Variants in PARD3B observed in about 807,000 individuals in gnomAD.
The protein encoded by PARD3B is partitioning defective 3 homolog B.
Under a neutral mutation model 130.2 loss-of-function variants are expected in PARD3B, and 103 were observed. The observed-to-expected ratio is 0.79, with a 90% CI of 0.67 to 0.93. The LOEUF (loss-of-function observed/expected upper bound fraction) is 0.93. Among genes scored for constraint, PARD3B ranks in the 40% least tolerant of loss-of-function variants. The pLI is 0.00. For missense variants in PARD3B, 1,609 were observed against 1,499.2 expected (o/e 1.07, Z -1.21); for synonymous variants, 583 against 553.2 (o/e 1.05, Z -0.76).
intron 21 of PARD3B, among the ~76,000 whole-genome samples, chr2:205,535,398 C>A (rs1244886319): frequency 6.6e-6 from 1 of 152,164 alleles, no homozygotes; most frequent in Non-Finnish European, 1.5e-5. Context: ...CAAAACTAAA[C>A]CATCCTTAGA....
chr2:205,083,435 C>G (rs958627609), intron 4 of PARD3B, among the ~76,000 whole-genome samples: 11 of 151,514 alleles, frequency 7.3e-5, no homozygotes, highest in Non-Finnish European at 1.3e-4. Context: ...AGGCTGATTT[C>G]ACTTATAAAA....
At chr2:205,014,506 T>A (rs1484665177) in intron 3 of PARD3B, among the ~76,000 whole-genome samples, 1 of 152,204 alleles carries the variant, frequency 6.6e-6, no homozygotes, top group Non-Finnish European at 1.5e-5. Context: ...CTGAGTAATG[T>A]TATTCATTAA....
chr2:204,930,896 C>A (rs1349016978), intron 2 of PARD3B, among the ~76,000 whole-genome samples: 2 of 151,972 alleles, frequency 1.3e-5, no homozygotes, highest in South Asian at 4.1e-4. Context: ...ATCTAAAAAC[C>A]ACGATGAACA....
intron 18 of PARD3B, among the ~76,000 whole-genome samples, chr2:205,365,860 A>G (rs986673279): frequency 1.2e-4 from 18 of 152,230 alleles, no homozygotes; most frequent in Admixed American, 6.5e-5. Flanking sequence ...ACAACTGCCT[A>G]TATCGCCACA....
Position 205,176,687 on chromosome 2 carries a change from C to A in PARD3B, c.1924+110C>A. The A allele has an allele frequency of 1.7e-6, 2 of 1,207,032 alleles. No homozygotes were observed. The highest frequency in any genetic ancestry group is 1.6e-5 in the African/African-American group (1 of 62,344). The allele number at this position is 1,207,032 out of a possible 1,614,324, so 74.8% of individuals were successfully genotyped here. The stretch of plus-strand genomic sequence containing the variant: ...AAAGGGGAGTTAATTAGACTAAGTG[C>A]AGACTTTGTTACTCGGAGTCACAAA... On this transcript the variant is annotated intron_variant, in intron 13 of 22. Coordinates refer to ENST00000406610, the MANE Select transcript of PARD3B (RefSeq NM_001302769.2). The surrounding 1 kb of genome is among the most constrained non-coding windows in gnomAD (Gnocchi z 5.3).
At chr2:205,199,440 A>G (rs2036866013) in intron 15 of PARD3B, among the ~76,000 whole-genome samples, 1 of 152,114 alleles carries the variant, frequency 6.6e-6, no homozygotes, top group Non-Finnish European at 1.5e-5. Context: ...ATATACATAT[A>G]TGTACATTTT....
intron 2 of PARD3B, among the ~76,000 whole-genome samples, chr2:204,805,897 T>C (rs2042749013): frequency 6.6e-6 from 1 of 152,062 alleles, no homozygotes; most frequent in Admixed American, 6.6e-5. Flanking sequence ...TAACTGAGTG[T>C]AGAAGGAACA....
At chr2:205,415,230 A>G (rs1268728341) in intron 19 of PARD3B, among the ~76,000 whole-genome samples, 1 of 152,284 alleles carries the variant, frequency 6.6e-6, no homozygotes, top group African/African-American at 2.4e-5. Context: ...ATATGTTTCT[A>G]TATAGGATAT....
chr2:204,800,427 TAGAG>T (rs532907201), intron 2 of PARD3B, among the ~76,000 whole-genome samples: 5 of 150,836 alleles, frequency 3.3e-5, no homozygotes, highest in African/African-American at 9.7e-5. Flanking sequence ...AAAAAGTCAG[TAGAG>T]AGAGAGAGAG....
chr2:205,511,582 C>G (rs1215006177), intron 21 of PARD3B, among the ~76,000 whole-genome samples: 2 of 152,144 alleles, frequency 1.3e-5, no homozygotes. Context: ...ATAAGAAAAC[C>G]TATAGCAGAA....
chr2:204,973,868 T>G (rs1431317696), intron 3 of PARD3B, among the ~76,000 whole-genome samples: 1 of 152,238 alleles, frequency 6.6e-6, no homozygotes, highest in Admixed American at 6.5e-5. Context: ...GTGACAGCCT[T>G]TGCTTAGCAG....
intron 3 of PARD3B, among the ~76,000 whole-genome samples, chr2:204,976,405 A>G (rs2125192680): frequency 6.6e-6 from 1 of 152,222 alleles, no homozygotes; most frequent in South Asian, 2.1e-4. Context: ...AATATTACCT[A>G]ATTGGATAGT....
chr2:205,205,813 A>G (rs1163491234), intron 15 of PARD3B, among the ~76,000 whole-genome samples: 2 of 152,172 alleles, frequency 1.3e-5, no homozygotes, highest in Non-Finnish European at 2.9e-5. Context: ...ATCATGGTGG[A>G]TAAGCTTTTT....
chr2:204,917,373 C>T (rs984230283), intron 2 of PARD3B, among the ~76,000 whole-genome samples: 1 of 152,174 alleles, frequency 6.6e-6, no homozygotes, highest in African/African-American at 2.4e-5. Context: ...TGAGGGAAAA[C>T]AGAATAGTGG....
intron 18 of PARD3B, among the ~76,000 whole-genome samples, chr2:205,371,261 C>T (rs1333541476): frequency 6.6e-6 from 1 of 152,182 alleles, no homozygotes; most frequent in Non-Finnish European, 1.5e-5. Flanking sequence ...ACAGATTGCT[C>T]AGCCTTCAGC....
intron 16 of PARD3B, among the ~76,000 whole-genome samples, chr2:205,248,853 C>T (rs111431832): frequency 0.012 from 1,858 of 151,700 alleles, 23 homozygotes; most frequent in African/African-American, 0.042. Context: ...GTGATCCGCC[C>T]GCCTCGGCCT....
intron 21 of PARD3B, among the ~76,000 whole-genome samples, chr2:205,505,318 G>A (rs145629411): frequency 0.016 from 2,385 of 151,984 alleles, 56 homozygotes; most frequent in African/African-American, 0.053. Flanking sequence ...TGCAGCACAC[G>A]AACATGGCAC....
At chr2:205,520,506 T>G (rs1329748802) in intron 21 of PARD3B, among the ~76,000 whole-genome samples, 7 of 151,982 alleles carry the variant, frequency 4.6e-5, no homozygotes, top group Non-Finnish European at 7.4e-5. Flanking sequence ...GCTCAATAGC[T>G]CGGGCCGGGG....
chr2:205,081,103 G>A (rs1017128090), intron 4 of PARD3B, among the ~76,000 whole-genome samples: 1 of 151,954 alleles, frequency 6.6e-6, no homozygotes, highest in African/African-American at 2.4e-5. Context: ...TTGGTAACCT[G>A]GGTGAATAGT....
Sources: allele counts gnomAD v4.1 joint callset (sites outside exome capture counted in the v4.1 genomes callset), GRCh38; gene constraint gnomAD v4.1.1; non-coding constraint Gnocchi (gnomAD v3.1); transcripts MANE v1.5; gene names NCBI Gene and HGNC (gene_info 2026-07-23, HGNC 2026-07-21).